Variants in IL22RA2 observed in about 807,000 individuals in gnomAD.
IL22RA2 encodes the protein interleukin-22 receptor subunit alpha-2.
IL22RA2 carries 39 observed loss-of-function variants against 30.7 expected under a neutral mutation model. The observed-to-expected ratio is 1.27, with a 90% CI of 0.98 to 1.66. The LOEUF is 1.66. Among genes scored for constraint, IL22RA2 ranks in the 40% most tolerant of loss-of-function variants. IL22RA2 has a pLI of 0.00. For missense variants in IL22RA2, 315 were observed against 312.7 expected, an observed-to-expected ratio of 1.01 and a Z score of -0.05; for synonymous variants, 103 against 105.0, an observed-to-expected ratio of 0.98 and a Z score of 0.11.
At chr6:137,163,582 T>C (rs547658147) in intron 1 of IL22RA2, among the ~76,000 whole-genome samples, 1 of 152,220 alleles carries the variant, frequency 6.6e-6, no homozygotes, top group East Asian at 1.9e-4. Flanking sequence ...GAACAGTGCA[T>C]AGACATATGA....
At chr6:137,146,266 A>G (rs1453942033) in intron 6 of IL22RA2, among the ~76,000 whole-genome samples, 4 of 152,176 alleles carry the variant, frequency 2.6e-5, no homozygotes, top group Non-Finnish European at 2.9e-5. Context: ...TCCTGACCTC[A>G]AATGATTTGC....
At chr6:137,170,608 A>G (rs1253564125) in intron 1 of IL22RA2, among the ~76,000 whole-genome samples, 2 of 152,146 alleles carry the variant, frequency 1.3e-5, no homozygotes, top group Non-Finnish European at 2.9e-5. Context: ...ACCTTAAGAT[A>G]TTTAAAAGTA....
At chr6:137,151,804 A>G (rs1242703219) in intron 5 of IL22RA2, among the ~76,000 whole-genome samples, 2 of 152,242 alleles carry the variant, frequency 1.3e-5, no homozygotes, top group Admixed American at 6.5e-5. Flanking sequence ...ACAGAAGCTC[A>G]ACATCATTAA....
At chr6:137,162,134 G>A (rs1778532885) in intron 1 of IL22RA2, among the ~76,000 whole-genome samples, 1 of 152,158 alleles carries the variant, frequency 6.6e-6, no homozygotes, top group Admixed American at 6.5e-5. Flanking sequence ...GGCCTTAAGG[G>A]AATCTGGCCC....
At position 137,144,519 on chromosome 6, in the gene IL22RA2, A is replaced by G. The variant is rs1543509; in HGVS notation, c.*1105T>C. ...TGAAGAAGGCAGCTTTCTGTTGACC[A>G]CACTGAGCCTTAGGTCACCAGATTT... On this transcript the variant is annotated 3_prime_UTR_variant, in exon 7 of 7. Transcript: ENST00000296980. 23,798 of 152,306 alleles carry G rather than the reference A, an allele frequency of 0.16. 2,044 individuals are homozygous for G. Among genetic ancestry groups the G allele is most frequent in the Admixed American group, 0.25 (3,753 of 15,286 alleles). The allele number at this position is 152,306 out of a possible 1,614,324, so 9.4% of individuals were successfully genotyped here. A position where few individuals can be genotyped will look rare whatever the true frequency, so the allele number is the denominator to read the frequency against.
chr6:137,154,033 A>G (rs896883818), intron 5 of IL22RA2, among the ~76,000 whole-genome samples: 3 of 151,918 alleles, frequency 2.0e-5, no homozygotes, highest in African/African-American at 7.3e-5. Context: ...TATACATTAA[A>G]CCCCTTCTCT....
chr6:137,152,866 A>G (rs1778317728), intron 5 of IL22RA2, among the ~76,000 whole-genome samples: 1 of 152,118 alleles, frequency 6.6e-6, no homozygotes, highest in Non-Finnish European at 1.5e-5. Flanking sequence ...CCTCTTACCA[A>G]AGTTGGTCTG....
chr6:137,156,902 C>G, intron 3 of IL22RA2, 48 bp from the exon 4 acceptor site: 1 of 1,582,224 alleles, frequency 6.3e-7, no homozygotes, highest in South Asian at 1.1e-5. Context: ...AGGCCAAACT[C>G]AAGGGGCATC....
At chr6:137,172,210 G>A (rs1778750573) in intron 1 of IL22RA2, among the ~76,000 whole-genome samples, 1 of 152,168 alleles carries the variant, frequency 6.6e-6, no homozygotes, top group South Asian at 2.1e-4. Flanking sequence ...ATTTAAATTC[G>A]AGGTTTTATG....
chr6:137,148,950 A>T (rs1432574712), intron 5 of IL22RA2, among the ~76,000 whole-genome samples: 1 of 152,162 alleles, frequency 6.6e-6, no homozygotes, highest in Non-Finnish European at 1.5e-5. Flanking sequence ...TTCTTGACCC[A>T]TTCACTGGAT....
chr6:137,160,750 G>C (rs1037712643), intron 2 of IL22RA2, among the ~76,000 whole-genome samples: 1 of 152,184 alleles, frequency 6.6e-6, no homozygotes, highest in African/African-American at 2.4e-5. Flanking sequence ...AGGAAGCTGA[G>C]GCTTTAGAAA....
At chr6:137,148,013 G>T in intron 5 of IL22RA2, 122 bp from the exon 6 acceptor site, 2 of 823,408 alleles carry the variant, frequency 2.4e-6, no homozygotes, top group Admixed American at 2.4e-5. Flanking sequence ...GGCCGAGGCT[G>T]CAGTGAGCTA....
Position 137,147,072 on chromosome 6 carries a change from C to T in IL22RA2, c.642+650G>A, listed in dbSNP as rs552443845. ...GCTATTTTAAAATAAGGTGTGAGGC[C>T]GGGGAGGTGGCTTATGCCTGCAATC... On this transcript the variant is annotated intron_variant, in intron 6 of 6. Coordinates refer to ENST00000296980, the MANE Select transcript of IL22RA2 (RefSeq NM_052962.3). Among the ~76,000 whole-genome samples, 69 of 146,588 alleles carry T rather than the reference C, an allele frequency of 4.7e-4. No individual in the cohort carries two copies. In the Middle Eastern group the frequency reaches 0.023, roughly 49 times the overall value.
At chr6:137,163,276 A>G (rs570607990) in intron 1 of IL22RA2, among the ~76,000 whole-genome samples, 15 of 152,334 alleles carry the variant, frequency 9.8e-5, no homozygotes, top group Admixed American at 7.2e-4. Flanking sequence ...CAGGGCTCAG[A>G]CTTTCTGGAC....
intron 1 of IL22RA2, among the ~76,000 whole-genome samples, chr6:137,170,036 G>T (rs1480969230): frequency 6.6e-6 from 1 of 152,188 alleles, no homozygotes; most frequent in East Asian, 1.9e-4. Context: ...GCCATAAAAG[G>T]TGGATGCCTA....
intron 1 of IL22RA2, among the ~76,000 whole-genome samples, chr6:137,163,590 T>G (rs777237731): frequency 6.6e-6 from 1 of 152,096 alleles, no homozygotes; most frequent in Non-Finnish European, 1.5e-5. Context: ...CATAGACATA[T>G]GAACTGCAGT....
chr6:137,159,001 C>T (rs142898837), intron 2 of IL22RA2, among the ~76,000 whole-genome samples: 3 of 152,312 alleles, frequency 2.0e-5, no homozygotes, highest in East Asian at 3.9e-4. Flanking sequence ...TGCTGTCCCA[C>T]TCCTGAATGG....
Position 137,164,021 on chromosome 6 carries a change from C to T in IL22RA2, c.-65-2207G>A, listed in dbSNP as rs189006551. ...GGCATGCTCCTGGCTAAGCAGTGTC[C>T]GAACCTCCTGTAATAGGACCCAGTC... On this transcript the variant is annotated intron_variant, in intron 1 of 6. Transcript: ENST00000296980. Among the ~76,000 whole-genome samples the T allele has an allele frequency of 2.0e-3, 305 of 152,170 alleles. 1 individual carries two copies. Among genetic ancestry groups the T allele is most frequent in the African/African-American group, 7.0e-3 (292 of 41,508 alleles).
At position 137,173,610 on chromosome 6, in the gene IL22RA2, A is replaced by G. The variant is rs947529092; in HGVS notation, c.-263T>C. On this transcript the variant is annotated 5_prime_UTR_variant, in exon 1 of 7. Coordinates refer to ENST00000296980, the MANE Select transcript of IL22RA2 (RefSeq NM_052962.3). Reference sequence around the variant, plus strand: ...AGACATAGATAGAGAGGTGGAGAGAACTTGACCAGGGCTCTATAGCGAGTA... The same window carrying G: ...AGACATAGATAGAGAGGTGGAGAGAGCTTGACCAGGGCTCTATAGCGAGTA... The G allele has an allele frequency of 3.9e-5, 6 of 152,184 alleles. No homozygotes were observed. Among genetic ancestry groups the G allele is most frequent in the Non-Finnish European group, 7.3e-5 (5 of 68,040 alleles). 9.4% of individuals were successfully genotyped at this position (152,184 alleles called of 1,614,324 possible). A position where few individuals can be genotyped will look rare whatever the true frequency, so the allele number is the denominator to read the frequency against.
Sources: gnomAD v4.1 joint callset for allele counts (sites outside exome capture counted in the v4.1 genomes callset) on GRCh38, gnomAD v4.1.1 for gene constraint, MANE v1.5 for transcripts, NCBI Gene and HGNC (gene_info 2026-07-23, HGNC 2026-07-21) for gene names.